The following XPR1 variants were observed in gnomAD, a reference collection of about 807,000 sequenced individuals.
XPR1 encodes solute carrier family 53 member 1.
XPR1 carries 28 observed loss-of-function variants against 87.5 expected under a neutral mutation model. That is an observed-to-expected ratio of 0.32 (90% CI 0.24 to 0.44). XPR1 has a LOEUF of 0.44. XPR1 is among the 20% of genes least tolerant of loss of function. The probability of loss-of-function intolerance (pLI) is 1.00; values close to 1 mark genes in which losing one functional copy is unlikely to be tolerated. For synonymous variants in XPR1, 300 were observed against 306.1 expected, an observed-to-expected ratio of 0.98 and a Z score of 0.21; for missense variants, 559 against 862.3, an observed-to-expected ratio of 0.65 and a Z score of 4.41.
At chr1:180,654,543 C>CT (rs1396311628) in intron 1 of XPR1, among the ~76,000 whole-genome samples, 1 of 152,084 alleles carries the variant, frequency 6.6e-6, no homozygotes, top group African/African-American at 2.4e-5. Flanking sequence ...AACCTAAACT[C>CT]TTTCCTCTTA....
intron 2 of XPR1, among the ~76,000 whole-genome samples, chr1:180,704,218 T>G (rs906504493): frequency 1.5e-5 from 2 of 135,046 alleles, no homozygotes; most frequent in Admixed American, 1.6e-4. Flanking sequence ...TGTGTATGTA[T>G]TTTTCTCAAG....
At chr1:180,861,865 A>T (rs1326355340) in intron 11 of XPR1, among the ~76,000 whole-genome samples, 1 of 152,124 alleles carries the variant, frequency 6.6e-6, no homozygotes, top group East Asian at 1.9e-4. Context: ...CAAGCTACTA[A>T]GATGATAACA....
chr1:180,761,206 A>G (rs1258141054), intron 2 of XPR1, among the ~76,000 whole-genome samples: 1 of 152,254 alleles, frequency 6.6e-6, no homozygotes, highest in African/African-American at 2.4e-5. Context: ...GGACATAGGC[A>G]TGGGCAAGGA....
rs1359870589 is a variant in XPR1, at chr1:180,744,165, AT to A, written c.122-43585del. ...GATCCTCCCTCTTCCTCTCCCCATC[AT>A]TTATTCCTCTGTGGCTTAGATTGAA... On this transcript the variant is annotated intron_variant, in intron 2 of 14. Coordinates refer to ENST00000367590, the MANE Select transcript of XPR1 (RefSeq NM_004736.4). 2.0e-5 allele frequency among the ~76,000 whole-genome samples: 3 copies of A among 152,046 alleles called. No homozygotes were observed. The East Asian group carries it at 5.8e-4, about 29-fold the overall frequency.
At chr1:180,773,375 G>A (rs1213094678) in intron 2 of XPR1, among the ~76,000 whole-genome samples, 1 of 152,178 alleles carries the variant, frequency 6.6e-6, no homozygotes, top group Non-Finnish European at 1.5e-5. Context: ...ATGAATTAAA[G>A]CTGAAGAGAA....
intron 1 of XPR1, among the ~76,000 whole-genome samples, chr1:180,658,425 T>G (rs185298003): frequency 3.7e-4 from 57 of 152,374 alleles, no homozygotes; most frequent in Middle Eastern, 3.4e-3. Flanking sequence ...GCTGTAAGTC[T>G]GTTGTGTATG....
intron 2 of XPR1, among the ~76,000 whole-genome samples, chr1:180,780,695 G>A (rs965295936): frequency 2.0e-5 from 3 of 149,136 alleles, no homozygotes; most frequent in Non-Finnish European, 3.0e-5. Flanking sequence ...GTGAACCTGG[G>A]AGGCGGAGCT....
rs1329680907 is a variant in XPR1, at chr1:180,835,056, A to G, written c.1306+11A>G. ...CAAATAATTCAGAAGGTAGGGTATGAATTTGCATCTATACTACTAAATCGC... is the reference window on the plus strand; with the variant it reads ...CAAATAATTCAGAAGGTAGGGTATGGATTTGCATCTATACTACTAAATCGC... On this transcript the variant is annotated intron_variant, in intron 10 of 14. Coordinates refer to ENST00000367590, the MANE Select transcript of XPR1 (RefSeq NM_004736.4). 1 of 1,613,320 alleles carries G rather than the reference A, an allele frequency of 6.2e-7. No individual in the cohort carries two copies. The highest frequency in any genetic ancestry group is 1.1e-5 in the South Asian group (1 of 90,898).
At chr1:180,732,574 G>C (rs1377159223) in intron 2 of XPR1, among the ~76,000 whole-genome samples, 1 of 152,144 alleles carries the variant, frequency 6.6e-6, no homozygotes, top group Non-Finnish European at 1.5e-5. Context: ...GTGTGCAATG[G>C]GGGAGTGGCT....
chr1:180,683,035 A>T (rs1055702583), intron 2 of XPR1, among the ~76,000 whole-genome samples: 1 of 151,908 alleles, frequency 6.6e-6, no homozygotes, highest in South Asian at 2.1e-4. Flanking sequence ...GGTTTGTTAC[A>T]TATGTATACA....
At chr1:180,878,168 C>T (rs1652720776) in intron 13 of XPR1, 1 of 152,190 alleles carries the variant, frequency 6.6e-6, no homozygotes, top group Non-Finnish European at 1.5e-5. Flanking sequence ...TGTGCTACTT[C>T]ATCAATTTTT....
At position 180,888,188 on chromosome 1, in the gene XPR1, G is replaced by A. The variant is rs1018698843; in HGVS notation, c.*4122G>A. The stretch of plus-strand genomic sequence containing the variant: ...TTCCCCATTACTTTGCATTATTCAG[G>A]AAATAATTATTTATTCCCAAATGCA... On this transcript the variant is annotated 3_prime_UTR_variant, in exon 15 of 15. Coordinates refer to ENST00000367590, the MANE Select transcript of XPR1 (RefSeq NM_004736.4). 3 of 151,954 alleles carry A rather than the reference G, an allele frequency of 2.0e-5. No individual in the cohort carries two copies. Among genetic ancestry groups the A allele is most frequent in the African/African-American group, 7.3e-5 (3 of 41,368 alleles). 9.4% of individuals were successfully genotyped at this position (151,954 alleles called of 1,614,324 possible).
intron 1 of XPR1, among the ~76,000 whole-genome samples, chr1:180,649,235 C>A (rs1655214518): frequency 6.6e-6 from 1 of 151,322 alleles, no homozygotes; most frequent in African/African-American, 2.4e-5. Flanking sequence ...ACCATCCTGC[C>A]TAAGACACTG....
chr1:180,699,213 T>C (rs566221774), intron 2 of XPR1, among the ~76,000 whole-genome samples: 31 of 147,314 alleles, frequency 2.1e-4, no homozygotes, highest in African/African-American at 6.7e-4. Flanking sequence ...TTCTTTCTTT[T>C]TTTTTTTTTT....
chr1:180,656,357 A>T (rs1404343654), intron 1 of XPR1, among the ~76,000 whole-genome samples: 1 of 106,074 alleles, frequency 9.4e-6, no homozygotes, highest in Non-Finnish European at 1.8e-5. Flanking sequence ...TTTAATATTT[A>T]TATATATAAT....
At chr1:180,671,961 C>T (rs1656196605) in intron 1 of XPR1, among the ~76,000 whole-genome samples, 1 of 152,050 alleles carries the variant, frequency 6.6e-6, no homozygotes, top group South Asian at 2.1e-4. Flanking sequence ...GATTTGGATA[C>T]TGGTGATGAC....
chr1:180,795,998 G>A (rs139976544), intron 3 of XPR1, among the ~76,000 whole-genome samples: 22 of 152,094 alleles, frequency 1.4e-4, no homozygotes, highest in African/African-American at 5.3e-4. Flanking sequence ...TAGTAGAGAC[G>A]AGGTTTCACC....
chr1:180,663,781 AG>A (rs1197545742), intron 1 of XPR1, among the ~76,000 whole-genome samples: 1 of 152,194 alleles, frequency 6.6e-6, no homozygotes, highest in African/African-American at 2.4e-5. Context: ...TCTGGGAGCC[AG>A]GGCTTGCATT....
chr1:180,659,385 TTCCTTCCTTCCTTCCTTCCTTCC>T (rs1557943664), intron 1 of XPR1, among the ~76,000 whole-genome samples: 2,053 of 20,246 alleles, frequency 0.1, 111 homozygotes, highest in African/African-American at 0.22. Flanking sequence ...CCTTCCGTCC[TTCCTTCCTTCCTTCCTTCCTTCC>T]TTCCTTCCTT....
Sources: allele counts gnomAD v4.1 joint callset (sites outside exome capture counted in the v4.1 genomes callset), GRCh38; gene constraint gnomAD v4.1.1; transcripts MANE v1.5; gene names NCBI Gene and HGNC (gene_info 2026-07-23, HGNC 2026-07-21).